The following HLA-DPA1 variants were observed in gnomAD, a reference collection of about 807,000 sequenced individuals.
HLA-DPA1 encodes the protein major histocompatibility complex, class II, DP alpha 1.
A neutral mutation model predicts 21.5 loss-of-function variants in HLA-DPA1; 20 were observed. The observed-to-expected ratio is 0.93, with a 90% confidence interval of 0.66 to 1.35. The LOEUF (loss-of-function observed/expected upper bound fraction) is 1.35, where lower values mean the gene tolerates loss of function less well. HLA-DPA1 is among the 40% of genes most tolerant of loss of function. The pLI is 0.00. For synonymous variants in HLA-DPA1, 123 were observed against 129.6 expected (o/e 0.95, Z 0.35); for missense variants, 279 against 323.0 (o/e 0.86, Z 1.05).
At chr6:33,068,087 A>AT (rs1762051145) in intron 5 of HLA-DPA1, 6 of 152,398 alleles carry the variant, frequency 3.9e-5, no homozygotes, top group African/African-American at 1.4e-4. Flanking sequence ...CTGGAGGGGC[A>AT]TTTTTTGTGT....
At chr6:33,068,955 G>A in intron 4 of HLA-DPA1, 64 bp downstream of exon 3, 3 of 1,567,310 alleles carry the variant, frequency 1.9e-6, no homozygotes, top group Non-Finnish European at 2.6e-6. Context: ...AGCTGGTGCA[G>A]AGGACACCAG....
intron 2 of HLA-DPA1, among the ~76,000 whole-genome samples, chr6:33,070,180 G>A (rs72879616): frequency 0.19 from 29,487 of 152,128 alleles, 3,469 homozygotes; most frequent in African/African-American, 0.32. Context: ...AATAGTAATA[G>A]TAACAATGAC....
At chr6:33,065,713 T>C (rs1454960549) in intron 5 of HLA-DPA1, 1 of 152,078 alleles carries the variant, frequency 6.6e-6, no homozygotes, top group Admixed American at 6.5e-5. Flanking sequence ...ATGACGGCAA[T>C]GAACGAAGGA....
chr6:33,070,932 G>A (rs1187583834), intron 2 of HLA-DPA1, among the ~76,000 whole-genome samples: 1 of 152,154 alleles, frequency 6.6e-6, no homozygotes, highest in Non-Finnish European at 1.5e-5. Context: ...GTCTTTATTA[G>A]TTTGTAAGAA....
intron 1 of HLA-DPA1, among the ~76,000 whole-genome samples, chr6:33,074,236 A>G (rs1050436058): frequency 6.6e-6 from 1 of 152,000 alleles, no homozygotes; most frequent in African/African-American, 2.4e-5. Flanking sequence ...TTTCTAGATA[A>G]TTTTTATTTT....
chr6:33,069,914 G>A (rs773245131), intron 2 of HLA-DPA1, 28 bp from the exon 2 acceptor site: 4 of 1,592,138 alleles, frequency 2.5e-6, no homozygotes, highest in South Asian at 1.1e-5. Context: ...AGAAAAACAC[G>A]ACAAAATGTC....
chr6:33,070,001 C>T, intron 2 of HLA-DPA1, 115 bp from the exon 2 acceptor site: 1 of 913,048 alleles, frequency 1.1e-6, no homozygotes, highest in Admixed American at 2.3e-5. Flanking sequence ...GGTAAGAGGT[C>T]AAAGGAAGGA....
chr6:33,073,148 T>G (rs1042331160), intron 2 of HLA-DPA1, among the ~76,000 whole-genome samples: 1 of 152,256 alleles, frequency 6.6e-6, no homozygotes, highest in African/African-American at 2.4e-5. Context: ...GTTGATCTGC[T>G]GTGTAACCTT....
In HLA-DPA1 at chr6:33,076,065, G is replaced by A. The variant is rs41540314; in HGVS notation, c.-99-2396C>T. On this transcript the variant is annotated intron_variant, in intron 1 of 5. Transcript: ENST00000419277. ...CCATGATGGTTCTGCAGGTTTCTGCGGCCCCCCGGACAGTGGCTCTGACGG... is the reference window on the plus strand; with the variant it reads ...CCATGATGGTTCTGCAGGTTTCTGCAGCCCCCCGGACAGTGGCTCTGACGG... 2,079 of 1,612,236 alleles carry A rather than the reference G, an allele frequency of 1.3e-3. 37 individuals carry two copies. The East Asian group carries it at 0.014, about 11-fold the overall frequency.
intron 1 of HLA-DPA1, chr6:33,076,066 GC>G: frequency 6.2e-7 from 1 of 1,612,324 alleles, no homozygotes. Context: ...GGTTTCTGCG[GC>G]CCCCCGGACA....
chr6:33,079,920 C>T (rs1410076134), intron 1 of HLA-DPA1: 1 of 267,046 alleles, frequency 3.7e-6, no homozygotes, highest in Non-Finnish European at 7.3e-6. Flanking sequence ...AAAAAAATTA[C>T]ATCAATGCCT....
In HLA-DPA1 at chr6:33,080,701, T is replaced by G. The variant is rs1424116907; in HGVS notation, c.-121A>C. 3 of 1,613,120 alleles carry G rather than the reference T, an allele frequency of 1.9e-6. No homozygotes were observed. Among genetic ancestry groups the G allele is most frequent in the Non-Finnish European group, 2.5e-6 (3 of 1,179,756 alleles). ...TTACCTTTTCCAGGGACGGCAGGAA[T>G]GCTACGCGTTTAATGGGACACAGCG... On this transcript the variant is annotated 5_prime_UTR_variant, in exon 1 of 6. Coordinates refer to ENST00000419277, the Ensembl canonical transcript of HLA-DPA1. The surrounding 1 kb of genome is among the most constrained non-coding windows in gnomAD (Gnocchi z 4.3).
intron 1 of HLA-DPA1, among the ~76,000 whole-genome samples, chr6:33,077,029 C>T (rs887247369): frequency 6.6e-6 from 1 of 151,490 alleles, no homozygotes; most frequent in Non-Finnish European, 1.5e-5. Context: ...ATTAACTCGT[C>T]ATTTACATTA....
chr6:33,068,608 A>C, intron 5 of HLA-DPA1, 30 bp downstream of exon 4: 1 of 1,541,060 alleles, frequency 6.5e-7, no homozygotes, highest in South Asian at 1.2e-5. Flanking sequence ...ACATTCTACA[A>C]ATCCTAGGGC....
rs1762788260 is a variant in HLA-DPA1 at position 33,080,647 on chromosome 6, G to C, written c.-100+33C>G. 2.5e-6 allele frequency: 4 copies of C among 1,612,002 alleles called. No homozygotes were observed. The highest frequency in any genetic ancestry group is 3.4e-6 in the Non-Finnish European group (4 of 1,179,226). ...AGGATTAGATGAGAGTGGCGCCTCC[G>C]CTCATGTCCGCCCCCTCCCCGCAGA... On this transcript the variant is annotated intron_variant, in intron 1 of 5. Transcript: ENST00000419277. This position sits in a 1 kb window ranked among gnomAD's most constrained non-coding sequence, Gnocchi z 4.3.
intron 1 of HLA-DPA1, among the ~76,000 whole-genome samples, chr6:33,077,612 G>A (rs1337076640): frequency 6.6e-6 from 1 of 152,150 alleles, no homozygotes; most frequent in Non-Finnish European, 1.5e-5. Flanking sequence ...TGGTGGGACT[G>A]TAAACTAGTT....
At chr6:33,078,583 C>T (rs1762675352) in intron 1 of HLA-DPA1, among the ~76,000 whole-genome samples, 1 of 151,908 alleles carries the variant, frequency 6.6e-6, no homozygotes, top group Non-Finnish European at 1.5e-5. Flanking sequence ...CTGGGCAACT[C>T]AATTGCTAAG....
At chr6:33,067,295 C>CT (rs1762006555) in intron 5 of HLA-DPA1, 1 of 80,814 alleles carries the variant, frequency 1.2e-5, no homozygotes, top group African/African-American at 9.6e-5. Flanking sequence ...ATGGAGGAGA[C>CT]CCTCATGAAT....
At position 33,068,385 on chromosome 6, in the gene HLA-DPA1, T is replaced by A. The variant is rs1399728896; in HGVS notation, c.*12+253A>T. ...CTGTGTATGTAAAAAGATGTAAGTA[T>A]CTCTCATGTGAAATAGTGAAAATAA... On this transcript the variant is annotated intron_variant, in intron 5 of 5. Transcript: ENST00000419277. 3 of 408,278 alleles carry A rather than the reference T, an allele frequency of 7.3e-6. No individual in the cohort carries two copies. In the Admixed American group the frequency reaches 1.2e-4, roughly 16 times the overall value. The allele number at this position is 408,278 out of a possible 1,614,324, so 25.3% of individuals were successfully genotyped here.
Sources: gnomAD v4.1 joint callset for allele counts (sites outside exome capture counted in the v4.1 genomes callset) on GRCh38, gnomAD v4.1.1 for gene constraint, Gnocchi (gnomAD v3.1) non-coding constraint, MANE v1.5 for transcripts, NCBI Gene and HGNC (gene_info 2026-07-23, HGNC 2026-07-21) for gene names.